The following CHRNB3 variants were observed in gnomAD, a reference collection of about 807,000 sequenced individuals.
CHRNB3 encodes cholinergic receptor nicotinic beta 3 subunit, also known as neuronal acetylcholine receptor subunit beta-3.
Under a neutral mutation model 40.6 loss-of-function variants are expected in CHRNB3, and 37 were observed. The ratio of observed to expected loss-of-function variants is 0.91; its 90% CI spans 0.70 to 1.20. The LOEUF is 1.20. CHRNB3 is among the 50% of genes most tolerant of loss of function. The probability of loss-of-function intolerance (pLI) is 0.00; values close to 1 mark genes in which losing one functional copy is unlikely to be tolerated. For synonymous variants in CHRNB3, 207 were observed against 207.1 expected (o/e 1.00, Z 0.00); for missense variants, 505 against 551.2 (o/e 0.92, Z 0.84).
chr8:42,700,306 C>T (rs1005600096), intron 1 of CHRNB3, among the ~76,000 whole-genome samples: 1 of 148,894 alleles, frequency 6.7e-6, no homozygotes, highest in Non-Finnish European at 1.5e-5. Flanking sequence ...TGAGCCACTG[C>T]GCCCGGCCTT....
At chr8:42,731,242 C>T (rs1816412589) in intron 4 of CHRNB3, among the ~76,000 whole-genome samples, 1 of 151,850 alleles carries the variant, frequency 6.6e-6, no homozygotes, top group Non-Finnish European at 1.5e-5. Flanking sequence ...AAAACAGTTA[C>T]CTGGCGTTGT....
At chr8:42,712,812 A>AAC (rs1417437832) in intron 3 of CHRNB3, among the ~76,000 whole-genome samples, 3 of 151,748 alleles carry the variant, frequency 2.0e-5, no homozygotes, top group African/African-American at 4.8e-5. Context: ...AAATCAAACA[A>AAC]ACACACAAAC....
intron 3 of CHRNB3, among the ~76,000 whole-genome samples, chr8:42,727,497 T>C (rs1234685797): frequency 6.6e-6 from 1 of 152,026 alleles, no homozygotes; most frequent in Non-Finnish European, 1.5e-5. Context: ...ACAAAGGAAG[T>C]TCCGTGGATA....
At chr8:42,697,821 ATTTGCTGCGT>A (rs201983199) in intron 1 of CHRNB3, among the ~76,000 whole-genome samples, 1,804 of 152,132 alleles carry the variant, frequency 0.012, 37 homozygotes, top group African/African-American at 0.042. Flanking sequence ...TGTTTTTGTC[ATTTGCTGCGT>A]TTCTCCTTCT....
At chr8:42,736,003 T>C (rs950962729) in intron 5 of CHRNB3, among the ~76,000 whole-genome samples, 6 of 152,118 alleles carry the variant, frequency 3.9e-5, no homozygotes, top group African/African-American at 1.2e-4. Context: ...GTAGCTGAGA[T>C]TACAGGTGCC....
chr8:42,717,392 A>AC (rs2128906722), intron 3 of CHRNB3, among the ~76,000 whole-genome samples: 1 of 124,874 alleles, frequency 8.0e-6, no homozygotes, highest in Non-Finnish European at 1.7e-5. Context: ...AAAAAAAAAA[A>AC]AAAAAAAAAA....
At chr8:42,735,093 G>A (rs1166956846) in intron 5 of CHRNB3, among the ~76,000 whole-genome samples, 2 of 151,866 alleles carry the variant, frequency 1.3e-5, no homozygotes, top group African/African-American at 2.4e-5. Context: ...GGTGGCCGGC[G>A]CCTGTAGTCC....
chr8:42,711,793 T>C (rs1022306989), intron 3 of CHRNB3, among the ~76,000 whole-genome samples: 1 of 152,152 alleles, frequency 6.6e-6, no homozygotes, highest in African/African-American at 2.4e-5. Context: ...ATCACCCAAA[T>C]AGTGAACATC....
At chr8:42,717,870 G>A (rs1399827794) in intron 3 of CHRNB3, among the ~76,000 whole-genome samples, 3 of 141,100 alleles carry the variant, frequency 2.1e-5, no homozygotes, top group Admixed American at 7.6e-5. Context: ...CTGTCGCCCA[G>A]GCTGGAGTAT....
At chr8:42,721,179 A>G (rs1396396350) in intron 3 of CHRNB3, among the ~76,000 whole-genome samples, 1 of 152,254 alleles carries the variant, frequency 6.6e-6, no homozygotes, top group African/African-American at 2.4e-5. Context: ...AGCTGAGAAC[A>G]TTTTAGTTGC....
At chr8:42,733,921 T>A (rs1373895188) in intron 5 of CHRNB3, among the ~76,000 whole-genome samples, 1 of 148,850 alleles carries the variant, frequency 6.7e-6, no homozygotes, top group African/African-American at 2.5e-5. Context: ...CCTTCCCCAG[T>A]GGAATGAAAA....
intron 1 of CHRNB3, among the ~76,000 whole-genome samples, chr8:42,702,862 T>C (rs189040530): frequency 5.2e-4 from 79 of 152,212 alleles, no homozygotes; most frequent in Middle Eastern, 3.4e-3. Context: ...ACATCAAAAA[T>C]AGCAATAACA....
At chr8:42,704,838 C>T (rs75975880) in intron 1 of CHRNB3, among the ~76,000 whole-genome samples, 1,683 of 152,276 alleles carry the variant, frequency 0.011, 33 homozygotes, top group African/African-American at 0.039. Context: ...AGAACTTCAG[C>T]ATCTCAGCAG....
intron 3 of CHRNB3, among the ~76,000 whole-genome samples, chr8:42,728,527 T>C (rs1280109998): frequency 1.3e-5 from 2 of 152,006 alleles, no homozygotes; most frequent in African/African-American, 4.8e-5. Flanking sequence ...AGATCCTGTC[T>C]CAAATTAAAA....
chr8:42,729,070 T>C (rs1292208079), intron 3 of CHRNB3, among the ~76,000 whole-genome samples: 2 of 152,114 alleles, frequency 1.3e-5, no homozygotes, highest in East Asian at 1.9e-4. Flanking sequence ...ACTTTATTAT[T>C]GGGCTCTTAA....
rs80155953 is a variant in CHRNB3 at position 42,702,889 on chromosome 8, C to T, written c.52+5291C>T. Among the ~76,000 whole-genome samples the T allele has an allele frequency of 8.4e-4, 128 of 152,262 alleles. No homozygotes were observed. The East Asian group carries it at 0.021, about 25-fold the overall frequency. The stretch of plus-strand genomic sequence containing the variant: ...GCAATAACAGCAAATATATGTATAT[C>T]GAATTGAATTTTTGCAATAAGGGAA... On this transcript the variant is annotated intron_variant, in intron 1 of 5. Coordinates refer to ENST00000289957, the MANE Select transcript of CHRNB3 (RefSeq NM_000749.5).
At chr8:42,710,698 G>T (rs1006410107) in intron 3 of CHRNB3, among the ~76,000 whole-genome samples, 8 of 152,146 alleles carry the variant, frequency 5.3e-5, no homozygotes, top group Non-Finnish European at 1.5e-5. Flanking sequence ...CTGCCATAAG[G>T]CCTGGGGATG....
At chr8:42,717,234 C>T (rs1339479591) in intron 3 of CHRNB3, among the ~76,000 whole-genome samples, 1 of 140,510 alleles carries the variant, frequency 7.1e-6, no homozygotes, top group Non-Finnish European at 1.5e-5. Context: ...ATTAGCCGGG[C>T]GTAGTGGCGG....
intron 2 of CHRNB3, among the ~76,000 whole-genome samples, chr8:42,709,472 C>T (rs1034861782): frequency 6.6e-6 from 1 of 151,906 alleles, no homozygotes; most frequent in African/African-American, 2.4e-5. Flanking sequence ...CCCAAAGCCC[C>T]AGAAGAATCC....
Sources: gnomAD v4.1 joint callset for allele counts (sites outside exome capture counted in the v4.1 genomes callset) on GRCh38, gnomAD v4.1.1 for gene constraint, MANE v1.5 for transcripts, NCBI Gene and HGNC (gene_info 2026-07-23, HGNC 2026-07-21) for gene names.